The following AGPS variants were observed in gnomAD, a reference collection of about 807,000 sequenced individuals.
AGPS encodes alkyldihydroxyacetonephosphate synthase, peroxisomal.
In AGPS, 26 loss-of-function variants were observed where a neutral mutation model predicts 90.7. The observed-to-expected ratio is 0.29, with a 90% CI of 0.21 to 0.40. The LOEUF (loss-of-function observed/expected upper bound fraction) is 0.40, where lower values mean the gene tolerates loss of function less well. Among genes scored for constraint, AGPS ranks in the 10% least tolerant of loss-of-function variants. The pLI, the probability that AGPS is intolerant of heterozygous loss-of-function variation, is 1.00. For missense variants in AGPS, 540 were observed against 816.1 expected (o/e 0.66, Z 4.12); for synonymous variants, 294 against 285.3 (o/e 1.03, Z -0.31).
chr2:177,473,994 T>A (rs1687701799), intron 10 of AGPS, among the ~76,000 whole-genome samples: 1 of 152,244 alleles, frequency 6.6e-6, no homozygotes, highest in Admixed American at 6.5e-5. Flanking sequence ...TACAGAAATT[T>A]AAGTCATGAT....
intron 19 of AGPS, 32 bp downstream of exon 19, chr2:177,523,837 T>A: frequency 6.4e-7 from 1 of 1,559,830 alleles, no homozygotes; most frequent in Non-Finnish European, 8.8e-7. Flanking sequence ...ATTTCTAATA[T>A]TCTTACTTTA....
At chr2:177,514,131 C>G (rs187955723) in intron 17 of AGPS, among the ~76,000 whole-genome samples, 35 of 152,226 alleles carry the variant, frequency 2.3e-4, no homozygotes, top group Non-Finnish European at 4.3e-4. Flanking sequence ...TAAGCCTTCC[C>G]TGCCATCTGG....
intron 14 of AGPS, among the ~76,000 whole-genome samples, chr2:177,503,015 T>C (rs1688605685): frequency 6.6e-6 from 1 of 151,716 alleles, no homozygotes; most frequent in Non-Finnish European, 1.5e-5. Flanking sequence ...ATCTATCCCT[T>C]TTTTTTTATT....
chr2:177,473,327 T>C (rs1687683112), intron 10 of AGPS, among the ~76,000 whole-genome samples: 4 of 152,254 alleles, frequency 2.6e-5, no homozygotes, highest in African/African-American at 9.6e-5. Flanking sequence ...GTCCTGAGAA[T>C]ATATTTTCAA....
intron 1 of AGPS, among the ~76,000 whole-genome samples, chr2:177,403,984 A>G (rs1685400028): frequency 6.6e-6 from 1 of 152,228 alleles, no homozygotes; most frequent in African/African-American, 2.4e-5. Flanking sequence ...TAATGAGTCA[A>G]AGAGCATTGG....
At chr2:177,487,582 G>T (rs1688132266) in intron 11 of AGPS, among the ~76,000 whole-genome samples, 1 of 152,084 alleles carries the variant, frequency 6.6e-6, no homozygotes, top group Non-Finnish European at 1.5e-5. Flanking sequence ...AAATTAGAAG[G>T]AGTCAGGTTT....
chr2:177,452,186 T>C (rs1349634821), intron 8 of AGPS, among the ~76,000 whole-genome samples: 6 of 152,224 alleles, frequency 3.9e-5, no homozygotes, highest in Admixed American at 3.9e-4. Flanking sequence ...TCTTTAAATG[T>C]CTGTTAGGTC....
At chr2:177,396,961 T>C (rs1246177731) in intron 1 of AGPS, among the ~76,000 whole-genome samples, 2 of 151,482 alleles carry the variant, frequency 1.3e-5, no homozygotes, top group African/African-American at 4.9e-5. Context: ...TTTTTTGCTA[T>C]GGAGTCTTGC....
At chr2:177,472,566 T>A (rs1346147553) in intron 10 of AGPS, among the ~76,000 whole-genome samples, 1 of 152,134 alleles carries the variant, frequency 6.6e-6, no homozygotes, top group Non-Finnish European at 1.5e-5. Flanking sequence ...AATAGTAATG[T>A]TTTTATTGGC....
intron 12 of AGPS, among the ~76,000 whole-genome samples, chr2:177,495,646 G>T (rs902418953): frequency 6.6e-6 from 1 of 151,694 alleles, no homozygotes; most frequent in African/African-American, 2.4e-5. Context: ...AGTGCCTCAC[G>T]CCTGTAATCC....
At position 177,482,053 on chromosome 2, in the gene AGPS, T is replaced by C. The variant is rs765797722; in HGVS notation, c.1106-6T>C. 6.3e-7 allele frequency: 1 copy of C among 1,596,660 alleles called. No individual in the cohort carries two copies. ...GTACTGGATTATTCCCCCTTCTTTT[T>C]TTCAGGAACTCTTGGTGTAATAACA... On this transcript the variant is annotated splice_region_variant and splice_polypyrimidine_tract_variant and intron_variant, in intron 10 of 19. Transcript: ENST00000264167.
intron 1 of AGPS, among the ~76,000 whole-genome samples, chr2:177,419,552 TCAACCATTGATTTTGA>T (rs1192217553): frequency 6.6e-6 from 1 of 151,916 alleles, no homozygotes; most frequent in Non-Finnish European, 1.5e-5. Flanking sequence ...ATTGAATGAT[TCAACCATTGATTTTGA>T]TAAATAAGGA....
intron 10 of AGPS, among the ~76,000 whole-genome samples, chr2:177,475,359 C>T (rs1687752258): frequency 6.6e-6 from 1 of 152,260 alleles, no homozygotes; most frequent in Admixed American, 6.5e-5. Flanking sequence ...CAGCATAGTA[C>T]TAATAGGTAA....
chr2:177,486,058 T>C (rs1688083753), intron 11 of AGPS, among the ~76,000 whole-genome samples: 1 of 152,262 alleles, frequency 6.6e-6, no homozygotes, highest in Non-Finnish European at 1.5e-5. Flanking sequence ...GACAGTTCAG[T>C]TCTATGTACT....
chr2:177,489,275 A>C (rs914844154), intron 11 of AGPS, among the ~76,000 whole-genome samples: 1 of 151,874 alleles, frequency 6.6e-6, no homozygotes, highest in East Asian at 1.9e-4. Flanking sequence ...TAGTCGAGAC[A>C]GGATTTCACT....
chr2:177,462,988 C>T (rs945884844), intron 9 of AGPS, among the ~76,000 whole-genome samples: 1 of 152,060 alleles, frequency 6.6e-6, no homozygotes, highest in African/African-American at 2.4e-5. Flanking sequence ...TAGATGATTT[C>T]GTTTTTGCTA....
At chr2:177,474,576 C>T (rs1687726493) in intron 10 of AGPS, among the ~76,000 whole-genome samples, 1 of 152,224 alleles carries the variant, frequency 6.6e-6, no homozygotes. Context: ...TAGGTTCCCT[C>T]ATCTGCACAA....
intron 9 of AGPS, among the ~76,000 whole-genome samples, chr2:177,465,254 A>G (rs1258141797): frequency 1.3e-5 from 2 of 151,950 alleles, no homozygotes; most frequent in Admixed American, 6.6e-5. Context: ...TCATCCCACC[A>G]CTGCACTCCA....
chr2:177,496,392 T>A (rs560192560), intron 12 of AGPS, among the ~76,000 whole-genome samples: 1 of 152,294 alleles, frequency 6.6e-6, no homozygotes, highest in Non-Finnish European at 1.5e-5. Flanking sequence ...CAGAAATGAA[T>A]GTTTTGATGA....
Sources: allele counts gnomAD v4.1 joint callset (sites outside exome capture counted in the v4.1 genomes callset), GRCh38; gene constraint gnomAD v4.1.1; transcripts MANE v1.5; gene names NCBI Gene and HGNC (gene_info 2026-07-23, HGNC 2026-07-21).